PCDHA11: variants seen among roughly 807,000 people sequenced by gnomAD.
PCDHA11 encodes protocadherin alpha 11.
In PCDHA11, 61 loss-of-function variants were observed where a neutral mutation model predicts 70.3. The ratio of observed to expected loss-of-function variants is 0.87; its 90% CI spans 0.71 to 1.07. The LOEUF is 1.07. Ranked by LOEUF, PCDHA11 falls within the 50% of genes least tolerant of loss-of-function variation. The pLI, the probability that PCDHA11 is intolerant of heterozygous loss-of-function variation, is 0.00. For missense variants in PCDHA11, 1,324 were observed against 1,237.5 expected (o/e 1.07, Z -1.05); for synonymous variants, 633 against 555.1 (o/e 1.14, Z -1.97).
intron 1 of PCDHA11, chr5:140,969,364 T>C: frequency 6.2e-7 from 1 of 1,610,368 alleles, no homozygotes; most frequent in Non-Finnish European, 8.5e-7. Context: ...TTCTACAAAC[T>C]CATGCATTTG....
In PCDHA11 at chr5:140,967,846, C is replaced by T. The variant is rs151021111; in HGVS notation, c.2392-11103C>T. ...TGGTGGACATCGTGGACGTGAATGA[C>T]AATGCCCCAGAGGTGGTGCTCACGG... On this transcript the variant is annotated intron_variant, in intron 1 of 3. Coordinates refer to ENST00000398640, the MANE Select transcript of PCDHA11 (RefSeq NM_018902.5). 708 of 1,614,166 alleles carry T rather than the reference C, an allele frequency of 4.4e-4. 2 individuals are homozygous for T. Among genetic ancestry groups the T allele is most frequent in the Middle Eastern group, 2.8e-3 (17 of 6,062 alleles).
chr5:141,000,103 G>T (rs551643743), intron 3 of PCDHA11, among the ~76,000 whole-genome samples: 2 of 152,068 alleles, frequency 1.3e-5, no homozygotes, highest in Non-Finnish European at 2.9e-5. Flanking sequence ...GCTCAACTCC[G>T]TCTCTTCCCT....
intron 1 of PCDHA11, among the ~76,000 whole-genome samples, chr5:140,932,418 ATTG>A (rs1457931424): frequency 1.3e-5 from 2 of 151,928 alleles, no homozygotes; most frequent in African/African-American, 4.8e-5. Context: ...ATATTAGTGT[ATTG>A]TTCACCTGGA....
Position 140,985,739 on chromosome 5 carries a change from C to CTT in PCDHA11, c.2539+3195_2539+3196dup, listed in dbSNP as rs11372071. 6.5e-3 allele frequency among the ~76,000 whole-genome samples: 761 copies of CTT among 117,902 alleles called. 21 individuals carry two copies. The highest frequency in any genetic ancestry group is 0.054 in the East Asian group (218 of 4,012). The allele number at this position is 117,902 out of a possible 152,430, so 77.3% of individuals were successfully genotyped here. On this transcript the variant is annotated intron_variant, in intron 3 of 3. Transcript: ENST00000398640. ...TTATTTTTCCTTCACTGATGAATTC[C>CTT]TTTTTTTTTTTTTTTTTTTTGAGAC...
At chr5:140,873,452 C>G (rs147398020) in intron 1 of PCDHA11, among the ~76,000 whole-genome samples, 1 of 152,006 alleles carries the variant, frequency 6.6e-6, no homozygotes, top group South Asian at 2.1e-4. Context: ...AACAAATTTG[C>G]ATTTTAGATA....
intron 1 of PCDHA11, among the ~76,000 whole-genome samples, chr5:140,959,004 C>G (rs1554223791): frequency 6.6e-6 from 1 of 151,642 alleles, no homozygotes; most frequent in African/African-American, 2.4e-5. Flanking sequence ...TTTACTGTAC[C>G]TAATTTATAC....
At chr5:140,886,155 T>C (rs528104847) in intron 1 of PCDHA11, among the ~76,000 whole-genome samples, 1 of 152,212 alleles carries the variant, frequency 6.6e-6, no homozygotes, top group African/African-American at 2.4e-5. Context: ...CACCTTTTTA[T>C]AGCCACATCT....
chr5:140,891,876 G>C (rs781983742), intron 1 of PCDHA11, among the ~76,000 whole-genome samples: 9 of 152,186 alleles, frequency 5.9e-5, no homozygotes, highest in Non-Finnish European at 1.2e-4. Context: ...TTTTGGCTCT[G>C]TCATGTGACG....
intron 3 of PCDHA11, among the ~76,000 whole-genome samples, chr5:140,986,019 G>T (rs562523452): frequency 1.3e-5 from 2 of 152,036 alleles, no homozygotes; most frequent in African/African-American, 2.4e-5. Flanking sequence ...GATTACAGGC[G>T]TGAGCCACTG....
chr5:140,882,888 A>G, intron 1 of PCDHA11: 1 of 1,614,190 alleles, frequency 6.2e-7, no homozygotes. Context: ...GAAATTCAGG[A>G]ACATAGTTTA....
At chr5:140,912,922 G>A (rs1554195623) in intron 1 of PCDHA11, among the ~76,000 whole-genome samples, 3 of 152,210 alleles carry the variant, frequency 2.0e-5, no homozygotes, top group African/African-American at 7.2e-5. Context: ...ATTTGTGTAT[G>A]TTGAATCATC....
chr5:140,877,674 G>C, intron 1 of PCDHA11: 2 of 1,613,630 alleles, frequency 1.2e-6, no homozygotes, highest in East Asian at 4.5e-5. Context: ...GGTGCGCGCC[G>C]GGCAAGCCCA....
intron 1 of PCDHA11, among the ~76,000 whole-genome samples, chr5:140,896,658 T>C (rs2065683362): frequency 6.6e-6 from 1 of 152,154 alleles, no homozygotes; most frequent in African/African-American, 2.4e-5. Context: ...ATTACAGGCA[T>C]GAGTCACTGT....
intron 1 of PCDHA11, chr5:140,883,057 G>A (rs781846985): frequency 1.2e-6 from 2 of 1,614,006 alleles, no homozygotes; most frequent in South Asian, 1.1e-5. Flanking sequence ...TAGTGATCAA[G>A]CTAAATGCCA....
Position 140,871,449 on chromosome 5 carries a change from G to A in PCDHA11, c.2346G>A (p.Glu782=). 1 of 1,608,762 alleles carries A rather than the reference G, an allele frequency of 6.2e-7. No homozygotes were observed. The highest frequency in any genetic ancestry group is 8.5e-7 in the Non-Finnish European group (1 of 1,177,120). ...GTCTTCCTCTAGGTCTGAATAAAGA[G>A]GAGGAAGGGGAAAGACAGGAGCCAG... ...SPSLPLGLNK[E]EEGERQEPGS... Residue 782 remains glutamate (E), a synonymous_variant, in exon 1 of 4, where the codon GAG becomes GAA. Transcript: ENST00000398640.
intron 3 of PCDHA11, among the ~76,000 whole-genome samples, chr5:140,991,132 TAA>T (rs1345264253): frequency 2.0e-5 from 3 of 152,230 alleles, no homozygotes; most frequent in Non-Finnish European, 4.4e-5. Flanking sequence ...ACACAGCTAG[TAA>T]AAATGTTTTT....
chr5:140,993,754 A>G (rs1253767297), intron 3 of PCDHA11, among the ~76,000 whole-genome samples: 1 of 152,170 alleles, frequency 6.6e-6, no homozygotes, highest in African/African-American at 2.4e-5. Context: ...ACTTGCCATT[A>G]TATTACAATT....
intron 1 of PCDHA11, among the ~76,000 whole-genome samples, chr5:140,936,053 C>A (rs576745037): frequency 1.3e-5 from 2 of 151,934 alleles, no homozygotes; most frequent in African/African-American, 4.8e-5. Context: ...CCACCACACC[C>A]GGCTAATTTT....
At chr5:140,878,264 T>G (rs577205816) in intron 1 of PCDHA11, among the ~76,000 whole-genome samples, 83 of 152,314 alleles carry the variant, frequency 5.4e-4, no homozygotes, top group African/African-American at 1.9e-3. Flanking sequence ...TGCTTAGGCT[T>G]TTAAAATAGC....
Sources: allele counts gnomAD v4.1 joint callset (sites outside exome capture counted in the v4.1 genomes callset), GRCh38; gene constraint gnomAD v4.1.1; transcripts MANE v1.5; gene names NCBI Gene and HGNC (gene_info 2026-07-23, HGNC 2026-07-21).